TMEM236: variants seen among roughly 807,000 people sequenced by gnomAD.
TMEM236 encodes the protein family with sequence similarity 23, member A.
A neutral mutation model predicts 14.7 loss-of-function variants in TMEM236; 11 were observed. That is an observed-to-expected ratio of 0.75 (90% CI 0.47 to 1.24). The LOEUF (loss-of-function observed/expected upper bound fraction) is 1.24. TMEM236 is among the 50% of genes most tolerant of loss of function. The pLI, the probability that TMEM236 is intolerant of heterozygous loss-of-function variation, is 0.00. For missense variants in TMEM236, 464 were observed against 427.3 expected, an observed-to-expected ratio of 1.09 and a Z score of -0.76; for synonymous variants, 182 against 168.6, an observed-to-expected ratio of 1.08 and a Z score of -0.62.
chr10:17,790,800 G>A (rs1358708252), intron 3 of TMEM236, among the ~76,000 whole-genome samples: 3 of 152,064 alleles, frequency 2.0e-5, no homozygotes, highest in Non-Finnish European at 4.4e-5. Flanking sequence ...AATAGATTTG[G>A]GGGATTACCC....
At chr10:17,764,861 C>G (rs964973658) in intron 1 of TMEM236, among the ~76,000 whole-genome samples, 1 of 56,540 alleles carries the variant, frequency 1.8e-5, no homozygotes, top group African/African-American at 5.7e-5. Flanking sequence ...GAGACGGGGT[C>G]TCATTCTGTC....
At position 17,781,909 on chromosome 10, in the gene TMEM236, C is replaced by T. The variant is rs1020603812; in HGVS notation, c.472+5739C>T. On this transcript the variant is annotated intron_variant, in intron 3 of 3. Coordinates refer to ENST00000377495, the MANE Select transcript of TMEM236 (RefSeq NM_001098844.3). ...CATTTGGGGGAAAAAAAAGCTTCCT[C>T]TGCTAAATGTTTAAAAATCATTAAC... 7.9e-4 allele frequency among the ~76,000 whole-genome samples: 121 copies of T among 152,224 alleles called. 1 individual carries two copies. The highest frequency in any genetic ancestry group is 2.8e-3 in the African/African-American group (115 of 41,524).
At chr10:17,758,475 C>T (rs1299187938) in intron 1 of TMEM236, among the ~76,000 whole-genome samples, 1 of 152,136 alleles carries the variant, frequency 6.6e-6, no homozygotes, top group Non-Finnish European at 1.5e-5. Flanking sequence ...GACCATGAAA[C>T]CTTATGTGAG....
At chr10:17,766,009 A>G (rs949771182) in intron 1 of TMEM236, among the ~76,000 whole-genome samples, 141 of 152,296 alleles carry the variant, frequency 9.3e-4, no homozygotes, top group Admixed American at 1.6e-3. Context: ...AGACAGCAGT[A>G]TTTCTGCTGA....
chr10:17,759,426 C>T (rs987624991), intron 1 of TMEM236, among the ~76,000 whole-genome samples: 4 of 152,084 alleles, frequency 2.6e-5, no homozygotes, highest in Admixed American at 2.6e-4. Context: ...ATGAACACGT[C>T]AGGAATCCTG....
chr10:17,780,684 T>G lies in TMEM236; in HGVS notation c.472+4514T>G, dbSNP rs931513592. ...TGTTTGGGAAGTGAAAATGAAGCAG[T>G]GTTGTTGTCTGGGGTAGATACCCAA... On this transcript the variant is annotated intron_variant, in intron 3 of 3. Coordinates refer to ENST00000377495, the MANE Select transcript of TMEM236 (RefSeq NM_001098844.3). Among the ~76,000 whole-genome samples, 485 of 152,070 alleles carry G rather than the reference T, an allele frequency of 3.2e-3. 1 individual carries two copies. Among genetic ancestry groups the G allele is most frequent in the African/African-American group, 0.011 (466 of 41,472 alleles).
intron 3 of TMEM236, among the ~76,000 whole-genome samples, chr10:17,794,848 G>A (rs1012739399): frequency 2.0e-5 from 3 of 152,052 alleles, no homozygotes; most frequent in Non-Finnish European, 2.9e-5. Flanking sequence ...AACCAGCCTG[G>A]CCAACATGGA....
intron 1 of TMEM236, 143 bp downstream of exon 1, chr10:17,752,695 T>C (rs1456269439): frequency 2.4e-6 from 2 of 820,464 alleles, no homozygotes; most frequent in Admixed American, 4.1e-5. Flanking sequence ...GCCTCCTGAG[T>C]AGCTGGGATT....
At chr10:17,759,508 A>C (rs1241786805) in intron 1 of TMEM236, among the ~76,000 whole-genome samples, 2 of 152,162 alleles carry the variant, frequency 1.3e-5, no homozygotes, top group Non-Finnish European at 2.9e-5. Context: ...ATTCCATGAG[A>C]TTTTGCTCTT....
At chr10:17,760,021 G>T (rs1413544646) in intron 1 of TMEM236, among the ~76,000 whole-genome samples, 1 of 121,198 alleles carries the variant, frequency 8.3e-6, no homozygotes, top group Non-Finnish European at 1.7e-5. Flanking sequence ...AGATTGCCCC[G>T]AGGGAGCCTT....
rs1301036073 is a variant in TMEM236, at chr10:17,796,298, C to T, written c.850C>T (p.Pro284Ser). The change falls in exon 4 of 4, where the codon CCC becomes TCC. Residue 284 changes from proline (P) to serine (S), a missense_variant. By Grantham distance (74) the Pro-to-Ser change is moderately conservative. Transcript: ENST00000377495. ...FISLLRITFT[P>S]QNPLLNSLSV... ...TTCTCTCCTTCGAATTACATTCACTCCCCAAAACCCTCTTCTCAATTCCCT... is the reference window on the plus strand; with the variant it reads ...TTCTCTCCTTCGAATTACATTCACTTCCCAAAACCCTCTTCTCAATTCCCT... 9.9e-6 allele frequency: 16 copies of T among 1,613,938 alleles called. No homozygotes were observed. The highest frequency in any genetic ancestry group is 1.4e-5 in the Non-Finnish European group (16 of 1,179,862).
In TMEM236 at chr10:17,795,783, AAAATT is replaced by A. The variant is rs1376396366; in HGVS notation, c.473-125_473-121del. 874 of 989,370 alleles carry A rather than the reference AAAATT, an allele frequency of 8.8e-4. 3 individuals carry two copies. The African/African-American group carries it at 0.013, about 14-fold the overall frequency. 61.3% of individuals were successfully genotyped at this position (989,370 alleles called of 1,614,324 possible). A position where few individuals can be genotyped will look rare whatever the true frequency, so the allele number is the denominator to read the frequency against. Reference sequence around the variant, plus strand: ...GCACATGTATCCTGGAACTTAAAATAAAATTAAATTAAATTAAGTGAAAAACAAAA... The same window carrying A: ...GCACATGTATCCTGGAACTTAAAATAAAATTAAATTAAGTGAAAAACAAAA... On this transcript the variant is annotated intron_variant, in intron 3 of 3. Transcript: ENST00000377495.
intron 2 of TMEM236, among the ~76,000 whole-genome samples, chr10:17,774,187 G>C (rs1837621270): frequency 6.6e-6 from 1 of 152,100 alleles, no homozygotes; most frequent in Non-Finnish European, 1.5e-5. Flanking sequence ...TGGGACGACA[G>C]GCATGTGCCA....
intron 1 of TMEM236, among the ~76,000 whole-genome samples, chr10:17,760,785 A>G (rs1264017449): frequency 6.6e-6 from 1 of 152,226 alleles, no homozygotes; most frequent in African/African-American, 2.4e-5. Context: ...TAAGGAGTAA[A>G]GTCATGTCTT....
chr10:17,758,766 A>G (rs1007808692), intron 1 of TMEM236, among the ~76,000 whole-genome samples: 8 of 152,256 alleles, frequency 5.3e-5, no homozygotes, highest in Non-Finnish European at 1.0e-4. Context: ...TGTGAGTAAT[A>G]TTCCTCGATT....
chr10:17,767,555 T>A (rs1042579233), intron 1 of TMEM236, among the ~76,000 whole-genome samples: 1 of 151,820 alleles, frequency 6.6e-6, no homozygotes, highest in African/African-American at 2.4e-5. Flanking sequence ...TAGACTTGGG[T>A]TGTATTTATT....
intron 3 of TMEM236, among the ~76,000 whole-genome samples, chr10:17,791,623 C>G (rs1837927251): frequency 6.6e-6 from 1 of 152,212 alleles, no homozygotes; most frequent in African/African-American, 2.4e-5. Context: ...TCTCACCAAA[C>G]TCCTTTCTTT....
rs782547035 is a variant in TMEM236 at position 17,771,382 on chromosome 10, G to A, written c.330+1G>A. 1.9e-6 allele frequency: 3 copies of A among 1,613,152 alleles called. No homozygotes were observed. The highest frequency in any genetic ancestry group is 1.1e-5 in the South Asian group (1 of 91,056). On this transcript the variant is annotated splice_donor_variant, in intron 2 of 3. Coordinates refer to ENST00000377495, the MANE Select transcript of TMEM236 (RefSeq NM_001098844.3). LOFTEE classifies it high-confidence loss of function. ...CACCTTTTCCATAGCAGTGACTGAG[G>A]TATGGAATTTTTGATTTCTTCTGCT...
At chr10:17,755,490 T>C (rs1289961218) in intron 1 of TMEM236, among the ~76,000 whole-genome samples, 6 of 152,138 alleles carry the variant, frequency 3.9e-5, no homozygotes, top group Admixed American at 6.5e-5. Flanking sequence ...GAGACTTTCA[T>C]TTTCCCGAAA....
Sources: allele counts gnomAD v4.1 joint callset (sites outside exome capture counted in the v4.1 genomes callset), GRCh38; gene constraint gnomAD v4.1.1; transcripts MANE v1.5; gene names NCBI Gene and HGNC (gene_info 2026-07-23, HGNC 2026-07-21).